The following NIPSNAP2 variants were observed in gnomAD, a reference collection of about 807,000 sequenced individuals.
NIPSNAP2 encodes the protein nipsnap homolog 2.
Under a neutral mutation model 48.4 loss-of-function variants are expected in NIPSNAP2, and 42 were observed. That is an observed-to-expected ratio of 0.87 (90% confidence interval 0.68 to 1.12). NIPSNAP2 has a LOEUF of 1.12. Ranked by LOEUF, NIPSNAP2 falls within the 50% of genes most tolerant of loss-of-function variation. The pLI is 0.00. For synonymous variants in NIPSNAP2, 158 were observed against 126.6 expected (o/e 1.25, Z -1.67); for missense variants, 314 against 347.3 (o/e 0.90, Z 0.76).
chr7:55,966,581 G>A (rs1188636108), intron 1 of NIPSNAP2, among the ~76,000 whole-genome samples: 1 of 152,232 alleles, frequency 6.6e-6, no homozygotes, highest in African/African-American at 2.4e-5. Flanking sequence ...TCAGGAGTTC[G>A]AGACCATCCC....
intron 7 of NIPSNAP2, among the ~76,000 whole-genome samples, chr7:55,992,976 T>G (rs566352016): frequency 1.3e-5 from 2 of 151,148 alleles, no homozygotes; most frequent in Non-Finnish European, 3.0e-5. Context: ...CACTAAATAT[T>G]TTTTTTTTAA....
intron 1 of NIPSNAP2, among the ~76,000 whole-genome samples, chr7:55,976,061 TG>T: frequency 6.6e-6 from 1 of 151,976 alleles, no homozygotes; most frequent in Admixed American, 6.6e-5. Flanking sequence ...TGTGTGTGTG[TG>T]TGTGTGTGTA....
At chr7:55,971,315 G>C (rs1787012335) in intron 1 of NIPSNAP2, among the ~76,000 whole-genome samples, 1 of 152,126 alleles carries the variant, frequency 6.6e-6, no homozygotes, top group Non-Finnish European at 1.5e-5. Flanking sequence ...GACGATTGCT[G>C]CCCAAGTTCA....
chr7:55,976,097 G>A (rs1787103075), intron 1 of NIPSNAP2, among the ~76,000 whole-genome samples: 1 of 151,782 alleles, frequency 6.6e-6, no homozygotes, highest in South Asian at 2.1e-4. Context: ...AGTTCAGAAG[G>A]TTATACAATG....
rs1353478395 is a variant in NIPSNAP2 at position 55,977,306 on chromosome 7, G to A, written c.93-820G>A. Among the ~76,000 whole-genome samples, 4 of 152,186 alleles carry A rather than the reference G, an allele frequency of 2.6e-5. No individual in the cohort carries two copies. The East Asian group carries it at 5.8e-4, about 22-fold the overall frequency. On this transcript the variant is annotated intron_variant, in intron 1 of 9. Transcript: ENST00000322090. ...CCCTAGAGGGTGAGGCAGGAGAATC[G>A]CTTGAACCTGGGAGGCGGAGGTTGC...
At chr7:55,974,397 G>T (rs1308946756) in intron 1 of NIPSNAP2, among the ~76,000 whole-genome samples, 1 of 152,072 alleles carries the variant, frequency 6.6e-6, no homozygotes, top group Non-Finnish European at 1.5e-5. Flanking sequence ...TTCATTTCAT[G>T]AAGTACTGGG....
At chr7:55,969,868 A>T (rs1003210641) in intron 1 of NIPSNAP2, among the ~76,000 whole-genome samples, 8 of 151,716 alleles carry the variant, frequency 5.3e-5, no homozygotes, top group Non-Finnish European at 1.0e-4. Flanking sequence ...CTGTAGTCCC[A>T]GCTACTCAGG....
intron 1 of NIPSNAP2, among the ~76,000 whole-genome samples, chr7:55,971,109 C>T (rs915185369): frequency 6.6e-6 from 1 of 152,172 alleles, no homozygotes; most frequent in African/African-American, 2.4e-5. Flanking sequence ...GTGCCCCCTA[C>T]CATCTTGGCG....
At chr7:55,967,223 T>G (rs1786913750) in intron 1 of NIPSNAP2, among the ~76,000 whole-genome samples, 2 of 152,238 alleles carry the variant, frequency 1.3e-5, no homozygotes, top group South Asian at 4.1e-4. Flanking sequence ...TTTTCTTTGG[T>G]TGTTCTTCTC....
chr7:55,996,509 C>T (rs1369608162), intron 8 of NIPSNAP2, among the ~76,000 whole-genome samples: 1 of 152,110 alleles, frequency 6.6e-6, no homozygotes, highest in African/African-American at 2.4e-5. Flanking sequence ...GTATGGGCCA[C>T]GGCACTCTCC....
rs1025442390 is a variant in NIPSNAP2 at position 55,971,283 on chromosome 7, C to T, written c.92+6582C>T. Among the ~76,000 whole-genome samples the T allele has an allele frequency of 1.3e-5, 2 of 152,028 alleles. 1 individual carries two copies. The highest frequency in any genetic ancestry group is 2.9e-5 in the Non-Finnish European group (2 of 68,016). On this transcript the variant is annotated intron_variant, in intron 1 of 9. Coordinates refer to ENST00000322090, the MANE Select transcript of NIPSNAP2 (RefSeq NM_001483.3). ...TTTGACGGTTGGGGGTAGTACTGGC[C>T]GGCTTGTTTTTCATTTGTCAAGACG...
rs1444977473 is a variant in NIPSNAP2, at chr7:55,984,765, TG to T, written c.586-81del. On this transcript the variant is annotated intron_variant, in intron 6 of 9. Coordinates refer to ENST00000322090, the MANE Select transcript of NIPSNAP2 (RefSeq NM_001483.3). ...TTTTGAAGTTAGTTTTGTCACTTAA[TG>T]TTTTTTCTACTGCTGTTTGCTATTT... 116 of 1,140,158 alleles carry T rather than the reference TG, an allele frequency of 1.0e-4. 1 individual carries two copies. The highest frequency in any genetic ancestry group is 1.4e-4 in the Non-Finnish European group (106 of 770,778). 70.6% of individuals were successfully genotyped at this position (1,140,158 alleles called of 1,614,324 possible). A position where few individuals can be genotyped will look rare whatever the true frequency, so the allele number is the denominator to read the frequency against.
intron 5 of NIPSNAP2, among the ~76,000 whole-genome samples, chr7:55,983,135 C>CA (rs139890754): frequency 0.044 from 6,673 of 151,668 alleles, 177 homozygotes; most frequent in Admixed American, 0.062. Flanking sequence ...AAAAACAACA[C>CA]AAAAAAAACC....
At chr7:55,966,136 A>C (rs559338629) in intron 1 of NIPSNAP2, among the ~76,000 whole-genome samples, 6 of 152,266 alleles carry the variant, frequency 3.9e-5, no homozygotes, top group African/African-American at 1.4e-4. Context: ...GGACCTGGTA[A>C]AGTTTGTGAA....
intron 8 of NIPSNAP2, 30 bp from the exon 9 acceptor site, chr7:55,997,336 G>A: frequency 6.5e-7 from 1 of 1,535,564 alleles, no homozygotes; most frequent in Non-Finnish European, 9.0e-7. Context: ...TGTGTTTTAA[G>A]TCTTACTTCT....
Position 55,978,109 on chromosome 7 carries a change from C to T in NIPSNAP2, c.93-17C>T, listed in dbSNP as rs1787137981. ...GAAAACAGTATACTGCGTGACAACA[C>T]CTTTGTTATTCCATAGGACATGGAC... On this transcript the variant is annotated splice_polypyrimidine_tract_variant and intron_variant, in intron 1 of 9. Coordinates refer to ENST00000322090, the MANE Select transcript of NIPSNAP2 (RefSeq NM_001483.3). 2 of 1,613,754 alleles carry T rather than the reference C, an allele frequency of 1.2e-6. No individual in the cohort carries two copies. The highest frequency in any genetic ancestry group is 1.1e-5 in the South Asian group (1 of 91,040).
intron 9 of NIPSNAP2, 27 bp downstream of exon 9, chr7:55,997,476 G>A (rs1422989377): frequency 1.3e-6 from 2 of 1,535,754 alleles, no homozygotes; most frequent in South Asian, 2.2e-5. Flanking sequence ...CATGAAATAT[G>A]CTTTTTGTCT....
At chr7:55,984,588 G>A (rs943741240) in intron 6 of NIPSNAP2, among the ~76,000 whole-genome samples, 3 of 151,756 alleles carry the variant, frequency 2.0e-5, no homozygotes, top group Non-Finnish European at 4.4e-5. Context: ...GCATGGTGGC[G>A]GGCGCCGGTA....
chr7:55,971,649 A>G (rs1787017976), intron 1 of NIPSNAP2, among the ~76,000 whole-genome samples: 1 of 151,820 alleles, frequency 6.6e-6, no homozygotes. Flanking sequence ...TTTTTTTTGT[A>G]GAGACAGGGT....
Sources: allele counts gnomAD v4.1 joint callset (sites outside exome capture counted in the v4.1 genomes callset), GRCh38; gene constraint gnomAD v4.1.1; transcripts MANE v1.5; gene names NCBI Gene and HGNC (gene_info 2026-07-23, HGNC 2026-07-21).